SPOCK3: variants seen among roughly 807,000 people sequenced by gnomAD.
The protein encoded by SPOCK3 is SPARC (osteonectin), cwcv and kazal like domains proteoglycan 3.
SPOCK3 carries 30 observed loss-of-function variants against 56.6 expected under a neutral mutation model. The observed-to-expected ratio is 0.53, with a 90% CI of 0.40 to 0.72. The LOEUF (loss-of-function observed/expected upper bound fraction) is 0.72. Ranked by LOEUF, SPOCK3 falls within the 30% of genes least tolerant of loss-of-function variation. The pLI, the probability that SPOCK3 is intolerant of heterozygous loss-of-function variation, is 0.00. For synonymous variants in SPOCK3, 196 were observed against 183.3 expected (o/e 1.07, Z -0.56); for missense variants, 527 against 530.0 (o/e 0.99, Z 0.06).
chr4:166,946,767 C>T (rs1432725551), intron 4 of SPOCK3, among the ~76,000 whole-genome samples: 1 of 152,164 alleles, frequency 6.6e-6, no homozygotes, highest in Non-Finnish European at 1.5e-5. Context: ...TCTCTTTACA[C>T]TATAATGTAA....
At chr4:166,954,697 G>T (rs61475814) in intron 4 of SPOCK3, among the ~76,000 whole-genome samples, 12,417 of 152,038 alleles carry the variant, frequency 0.082, 623 homozygotes, top group African/African-American at 0.14. Context: ...CACCTTAAAA[G>T]GTATCCATTT....
intron 6 of SPOCK3, among the ~76,000 whole-genome samples, chr4:166,879,293 C>T (rs531590154): frequency 6.6e-6 from 1 of 152,046 alleles, no homozygotes; most frequent in Non-Finnish European, 1.5e-5. Context: ...CTTTGGGAGC[C>T]TGAGGTAAGA....
intron 2 of SPOCK3, among the ~76,000 whole-genome samples, chr4:167,081,813 A>G (rs1757731171): frequency 6.6e-6 from 1 of 152,050 alleles, no homozygotes; most frequent in South Asian, 2.1e-4. Context: ...TACAGAATGG[A>G]TAAGGTAATA....
chr4:167,220,655 G>T lies in SPOCK3; in HGVS notation c.189+13330C>A, dbSNP rs1053677639. The stretch of plus-strand genomic sequence containing the variant: ...CCCACCTTGGCCTCTGGAAGTTCTG[G>T]AATTAACAGGCGTGAGCCATCCCAC... On this transcript the variant is annotated intron_variant, in intron 2 of 10. Transcript: ENST00000357545. 2.6e-5 allele frequency among the ~76,000 whole-genome samples: 4 copies of T among 151,886 alleles called. No homozygotes were observed. The South Asian group carries it at 6.2e-4, about 24-fold the overall frequency.
chr4:167,130,148 TAG>T (rs1196735712), intron 2 of SPOCK3, among the ~76,000 whole-genome samples: 1 of 152,110 alleles, frequency 6.6e-6, no homozygotes, highest in Admixed American at 6.6e-5. Context: ...CTCAGTTTTG[TAG>T]AGAGAGGTTT....
In SPOCK3 at chr4:166,885,338, C is replaced by A. The variant is rs1023015505; in HGVS notation, c.589+3792G>T. On this transcript the variant is annotated intron_variant, in intron 6 of 10. Coordinates refer to ENST00000357545, the MANE Select transcript of SPOCK3 (RefSeq NM_001040159.2). Reference sequence around the variant, plus strand: ...TGTCTCAGTAACATAATAAATTTCTCTAAGATTTACTAGAAACTGTTAACT... The same window carrying A: ...TGTCTCAGTAACATAATAAATTTCTATAAGATTTACTAGAAACTGTTAACT... Among the ~76,000 whole-genome samples, 5 of 151,704 alleles carry A rather than the reference C, an allele frequency of 3.3e-5. No individual in the cohort carries two copies. In the South Asian group the frequency reaches 1.0e-3, roughly 32 times the overall value.
chr4:167,210,695 AT>A (rs895969935), intron 2 of SPOCK3, among the ~76,000 whole-genome samples: 6 of 152,166 alleles, frequency 3.9e-5, no homozygotes, highest in Non-Finnish European at 8.8e-5. Context: ...CATACATTTG[AT>A]TGCCTGATAT....
At position 167,046,204 on chromosome 4, in the gene SPOCK3, G is replaced by T. The variant is rs563362053; in HGVS notation, c.235+16288C>A. On this transcript the variant is annotated intron_variant, in intron 3 of 10. Transcript: ENST00000357545. ...TTGTGTTTGATTCTCTACAGGAAAT[G>T]TGTTTCCCCTCTTCCTGCCTGGCTT... Among the ~76,000 whole-genome samples the T allele has an allele frequency of 3.9e-5, 6 of 152,062 alleles. No individual in the cohort carries two copies. The Middle Eastern group carries it at 0.01, about 259-fold the overall frequency.
At chr4:166,869,079 C>A (rs1732180476) in intron 6 of SPOCK3, among the ~76,000 whole-genome samples, 1 of 150,004 alleles carries the variant, frequency 6.7e-6, no homozygotes, top group Non-Finnish European at 1.5e-5. Context: ...TACAAAGCTG[C>A]TCCCAGGCTA....
intron 2 of SPOCK3, among the ~76,000 whole-genome samples, chr4:167,082,453 G>A (rs1757793478): frequency 6.6e-6 from 1 of 151,966 alleles, no homozygotes; most frequent in African/African-American, 2.4e-5. Context: ...AAGTTGTGTT[G>A]TAATTTGTTT....
intron 2 of SPOCK3, among the ~76,000 whole-genome samples, chr4:167,180,507 A>G (rs1440909710): frequency 6.6e-6 from 1 of 152,228 alleles, no homozygotes; most frequent in Non-Finnish European, 1.5e-5. Flanking sequence ...GAACCTTGAA[A>G]GAGAGGTTAC....
At chr4:167,021,094 A>G (rs897934293) in intron 3 of SPOCK3, among the ~76,000 whole-genome samples, 5 of 152,062 alleles carry the variant, frequency 3.3e-5, no homozygotes, top group African/African-American at 7.2e-5. Flanking sequence ...ATGCTGTGTC[A>G]CTCATTGAAT....
At chr4:167,070,361 C>T (rs1400317632) in intron 2 of SPOCK3, among the ~76,000 whole-genome samples, 1 of 151,874 alleles carries the variant, frequency 6.6e-6, no homozygotes, top group African/African-American at 2.4e-5. Flanking sequence ...ATAATCAAAG[C>T]AAAGTTTAAT....
intron 8 of SPOCK3, among the ~76,000 whole-genome samples, chr4:166,744,121 G>A (rs764251623): frequency 5.3e-5 from 8 of 152,062 alleles, no homozygotes; most frequent in East Asian, 1.9e-4. Context: ...CTCCCACCCC[G>A]GAGTTTGAGA....
chr4:166,996,947 C>T (rs1038759757), intron 4 of SPOCK3, among the ~76,000 whole-genome samples: 3 of 152,108 alleles, frequency 2.0e-5, no homozygotes, highest in African/African-American at 7.2e-5. Flanking sequence ...TTTCTTAAAA[C>T]CAATCGTTAC....
intron 4 of SPOCK3, among the ~76,000 whole-genome samples, chr4:166,951,506 A>T (rs1742620078): frequency 1.4e-5 from 2 of 141,690 alleles, no homozygotes; most frequent in Non-Finnish European, 3.0e-5. Flanking sequence ...CAGAGGTACA[A>T]AGAGGAACTG....
At chr4:167,216,069 A>C (rs1029898557) in intron 2 of SPOCK3, among the ~76,000 whole-genome samples, 58 of 152,148 alleles carry the variant, frequency 3.8e-4, no homozygotes, top group African/African-American at 1.4e-3. Flanking sequence ...TTGCCTGGGT[A>C]AATGATTTTT....
chr4:167,010,336 T>C (rs1203322670), intron 3 of SPOCK3, among the ~76,000 whole-genome samples: 1 of 151,690 alleles, frequency 6.6e-6, no homozygotes, highest in Non-Finnish European at 1.5e-5. Context: ...CCCTGGGCAA[T>C]ATGGAAAAAC....
intron 2 of SPOCK3, among the ~76,000 whole-genome samples, chr4:167,217,634 A>G (rs1735499031): frequency 6.6e-6 from 1 of 152,056 alleles, no homozygotes; most frequent in African/African-American, 2.4e-5. Flanking sequence ...AACCTAAAAA[A>G]TATGCTACTG....
Sources: allele counts gnomAD v4.1 joint callset (sites outside exome capture counted in the v4.1 genomes callset), GRCh38; gene constraint gnomAD v4.1.1; transcripts MANE v1.5; gene names NCBI Gene and HGNC (gene_info 2026-07-23, HGNC 2026-07-21).